The following PTPRE variants were observed in gnomAD, a reference collection of about 807,000 sequenced individuals.
The protein encoded by PTPRE is protein tyrosine phosphatase receptor type E.
Under a neutral mutation model 102.0 loss-of-function variants are expected in PTPRE, and 51 were observed. That is an observed-to-expected ratio of 0.50 (90% CI 0.40 to 0.63). PTPRE has a LOEUF of 0.63. Ranked by LOEUF, PTPRE falls within the 30% of genes least tolerant of loss-of-function variation. PTPRE has a pLI of 0.00. For synonymous variants in PTPRE, 345 were observed against 348.2 expected (o/e 0.99, Z 0.10); for missense variants, 752 against 915.1 (o/e 0.82, Z 2.30).
chr10:127,954,398 T>C (rs1442957589), intron 1 of PTPRE, among the ~76,000 whole-genome samples: 4 of 152,216 alleles, frequency 2.6e-5, no homozygotes. Flanking sequence ...GGCAGTGTTT[T>C]TTCCTTACTG....
intron 2 of PTPRE, among the ~76,000 whole-genome samples, chr10:128,022,730 G>A (rs1393363387): frequency 1.3e-5 from 2 of 152,254 alleles, no homozygotes; most frequent in African/African-American, 4.8e-5. Flanking sequence ...ATCATGGCCA[G>A]CGGAGACAGC....
chr10:127,982,666 C>G (rs1304521731), intron 2 of PTPRE, among the ~76,000 whole-genome samples: 1 of 152,126 alleles, frequency 6.6e-6, no homozygotes, highest in East Asian at 1.9e-4. Context: ...GACCAGCGTT[C>G]AGGAGCGCAG....
intron 1 of PTPRE, among the ~76,000 whole-genome samples, chr10:127,921,632 G>A (rs944380311): frequency 4.6e-5 from 7 of 152,236 alleles, no homozygotes; most frequent in African/African-American, 1.7e-4. Flanking sequence ...GAGGCTCACT[G>A]AGCTGTTGCC....
rs552166581 is a variant in PTPRE, at chr10:128,085,363, T to A, written c.*2457T>A. 6 of 251,292 alleles carry A rather than the reference T, an allele frequency of 2.4e-5. No homozygotes were observed. Among genetic ancestry groups the A allele is most frequent in the Admixed American group, 1.4e-4 (3 of 21,504 alleles). 15.6% of individuals were successfully genotyped at this position (251,292 alleles called of 1,614,324 possible). On this transcript the variant is annotated 3_prime_UTR_variant, in exon 21 of 21. Transcript: ENST00000254667. ...AAACAGCCCAGTGCCGACACCATTG[T>A]TCCTTTCACACTTTCCTTTGTTGCA...
At chr10:128,005,981 G>T (rs1359651561) in intron 2 of PTPRE, among the ~76,000 whole-genome samples, 1 of 152,090 alleles carries the variant, frequency 6.6e-6, no homozygotes, top group African/African-American at 2.4e-5. Context: ...CAGTATACAT[G>T]TGTGTGCCAC....
intron 2 of PTPRE, among the ~76,000 whole-genome samples, chr10:128,017,378 C>T (rs529107835): frequency 6.6e-6 from 1 of 152,220 alleles, no homozygotes; most frequent in South Asian, 2.1e-4. Context: ...GGCTGCTGCC[C>T]GAGCTGGCCT....
At chr10:128,011,494 T>C (rs1393740077) in intron 2 of PTPRE, among the ~76,000 whole-genome samples, 1 of 152,236 alleles carries the variant, frequency 6.6e-6, no homozygotes. Context: ...GACGTTCCTG[T>C]GGCTTACCCG....
At chr10:127,997,676 A>G (rs1220835045) in intron 2 of PTPRE, among the ~76,000 whole-genome samples, 3 of 152,256 alleles carry the variant, frequency 2.0e-5, no homozygotes, top group Non-Finnish European at 2.9e-5. Flanking sequence ...AACAAAGCAT[A>G]TTCAAAAATG....
chr10:128,055,159 G>T (rs1293861372), intron 6 of PTPRE, among the ~76,000 whole-genome samples: 1 of 152,170 alleles, frequency 6.6e-6, no homozygotes. Context: ...TGGAATCCCA[G>T]TGGCCCCGGG....
At chr10:127,972,077 T>C (rs971201565) in intron 1 of PTPRE, among the ~76,000 whole-genome samples, 5 of 152,296 alleles carry the variant, frequency 3.3e-5, no homozygotes, top group Middle Eastern at 3.4e-3. Flanking sequence ...GCACATCAGA[T>C]GAACTGTGCA....
intron 4 of PTPRE, 82 bp from the exon 5 acceptor site, chr10:128,047,682 T>G: frequency 6.2e-7 from 1 of 1,614,126 alleles, no homozygotes; most frequent in African/African-American, 1.3e-5. Context: ...CCGGCTCACC[T>G]GGTGGGTATC....
chr10:127,988,698 G>T lies in PTPRE; in HGVS notation c.-8+6402G>T, dbSNP rs182738909. Among the ~76,000 whole-genome samples, 3 of 152,270 alleles carry T rather than the reference G, an allele frequency of 2.0e-5. No individual in the cohort carries two copies. The East Asian group carries it at 5.8e-4, about 29-fold the overall frequency. ...CAAAAGGGAAGAGGGAGGGAGGAGA[G>T]CAAGGGTTGAAAGACTCTCTATTGG... On this transcript the variant is annotated intron_variant, in intron 2 of 20. Transcript: ENST00000254667.
chr10:128,000,902 C>T (rs1055856689), intron 2 of PTPRE, among the ~76,000 whole-genome samples: 3 of 152,158 alleles, frequency 2.0e-5, no homozygotes, highest in East Asian at 1.9e-4. Context: ...AGTAGGTGAC[C>T]GTGCCCTTGG....
intron 2 of PTPRE, among the ~76,000 whole-genome samples, chr10:127,986,943 G>A (rs1852139551): frequency 1.3e-5 from 2 of 152,152 alleles, no homozygotes; most frequent in African/African-American, 4.8e-5. Flanking sequence ...TTCTTATACT[G>A]GGGTTTTTTA....
chr10:128,064,114 G>C (rs1849852294), intron 10 of PTPRE, among the ~76,000 whole-genome samples: 1 of 152,236 alleles, frequency 6.6e-6, no homozygotes, highest in African/African-American at 2.4e-5. Context: ...CTGTGGGGAA[G>C]GGCTGCCATT....
In PTPRE at chr10:128,084,073, A is replaced by C. The variant is rs1241196163; in HGVS notation, c.*1167A>C. 1.3e-5 allele frequency: 2 copies of C among 152,140 alleles called. No individual in the cohort carries two copies. The highest frequency in any genetic ancestry group is 4.8e-5 in the African/African-American group (2 of 41,420). The allele number at this position is 152,140 out of a possible 1,614,324, so 9.4% of individuals were successfully genotyped here. ...AAAGCTAAATTATTTTTGAATGGAA[A>C]TACTACTGAGACCATTGACACTGGA... On this transcript the variant is annotated 3_prime_UTR_variant, in exon 21 of 21. Coordinates refer to ENST00000254667, the MANE Select transcript of PTPRE (RefSeq NM_006504.6).
intron 12 of PTPRE, 26 bp downstream of exon 12, chr10:128,068,312 G>T: frequency 6.3e-7 from 1 of 1,598,260 alleles, no homozygotes. Context: ...CACGGGGCGG[G>T]ACCCTCAAGG....
chr10:127,965,969 G>T (rs560432733), intron 1 of PTPRE, among the ~76,000 whole-genome samples: 1 of 152,382 alleles, frequency 6.6e-6, no homozygotes, highest in South Asian at 2.1e-4. Flanking sequence ...GGCCATGAAT[G>T]CCTCTGCAAA....
intron 2 of PTPRE, among the ~76,000 whole-genome samples, chr10:128,035,480 A>G (rs1281845517): frequency 6.6e-6 from 1 of 152,218 alleles, no homozygotes. Context: ...CCTGGTTTGG[A>G]TGAGAAATTA....
Sources: gnomAD v4.1 joint callset for allele counts (sites outside exome capture counted in the v4.1 genomes callset) on GRCh38, gnomAD v4.1.1 for gene constraint, MANE v1.5 for transcripts, NCBI Gene and HGNC (gene_info 2026-07-23, HGNC 2026-07-21) for gene names.